Variants in ZYG11A observed in about 807,000 individuals in gnomAD.
ZYG11A encodes zyg-11 family member A, cell cycle regulator.
ZYG11A carries 62 observed loss-of-function variants against 77.2 expected under a neutral mutation model. That is an observed-to-expected ratio of 0.80 (90% CI 0.65 to 0.99). The LOEUF (loss-of-function observed/expected upper bound fraction) is 0.99. Ranked by LOEUF, ZYG11A falls within the 50% of genes least tolerant of loss-of-function variation. The pLI is 0.00. For synonymous variants in ZYG11A, 315 were observed against 324.6 expected, an observed-to-expected ratio of 0.97 and a Z score of 0.32; for missense variants, 828 against 896.8, an observed-to-expected ratio of 0.92 and a Z score of 0.98.
At chr1:52,851,458 C>T (rs189774773) in intron 1 of ZYG11A, among the ~76,000 whole-genome samples, 3 of 152,162 alleles carry the variant, frequency 2.0e-5, no homozygotes, top group East Asian at 1.9e-4. Flanking sequence ...AATGTAGTGG[C>T]GCGATCTGGG....
intron 8 of ZYG11A, 66 bp from the exon 9 acceptor site, chr1:52,877,616 T>C: frequency 1.4e-6 from 2 of 1,395,858 alleles, no homozygotes; most frequent in Non-Finnish European, 1.9e-6. Context: ...TAACATTGCT[T>C]TCCTTATACC....
chr1:52,887,960 A>G (rs1646478715), intron 13 of ZYG11A, among the ~76,000 whole-genome samples: 1 of 152,122 alleles, frequency 6.6e-6, no homozygotes, highest in Admixed American at 6.6e-5. Context: ...ACAACAGGAA[A>G]CCCAAGAGAC....
At chr1:52,847,375 T>C (rs962096969) in intron 1 of ZYG11A, among the ~76,000 whole-genome samples, 7 of 152,044 alleles carry the variant, frequency 4.6e-5, no homozygotes, top group Non-Finnish European at 1.5e-5. Flanking sequence ...TAATTTTGTA[T>C]TTTTAGTACA....
intron 2 of ZYG11A, among the ~76,000 whole-genome samples, chr1:52,856,195 T>G (rs1036919573): frequency 6.6e-6 from 1 of 152,220 alleles, no homozygotes; most frequent in African/African-American, 2.4e-5. Flanking sequence ...TTGCATTTCT[T>G]TAATGACTTA....
intron 11 of ZYG11A, among the ~76,000 whole-genome samples, chr1:52,884,450 C>T (rs111932554): frequency 0.019 from 2,888 of 149,500 alleles, 92 homozygotes; most frequent in African/African-American, 0.066. Flanking sequence ...GAGCCGAGAT[C>T]GTGCCACTGC....
chr1:52,877,958 C>T lies in ZYG11A; in HGVS notation c.1738C>T (p.Leu580Phe). The change falls in exon 10 of 14, where the codon CTT (leucine) becomes TTT (phenylalanine). Residue 580 changes from leucine to phenylalanine, a missense_variant. Leu to Phe is a conservative substitution (Grantham distance 22). Transcript: ENST00000371528. ...AGAGTCAGCAATACAAAGCAAAGTA[C>T]TTGGTCTTTTGGTAAGGTGAATTGT... ...FSESAIQSKVLGLLNNIAEVR... is the reference protein window; with the variant it reads ...FSESAIQSKVFGLLNNIAEVR... The T allele has an allele frequency of 6.4e-7, 1 of 1,551,410 alleles. No homozygotes were observed. Among genetic ancestry groups the T allele is most frequent in the South Asian group, 1.2e-5 (1 of 84,052 alleles).
In ZYG11A at chr1:52,857,503, A is replaced by T. The variant is rs796954881; in HGVS notation, c.762A>T (p.Glu254Asp). Residue 254 changes from glutamate to aspartate, a missense_variant, in exon 3 of 14, where the codon GAA becomes GAT. Glu to Asp is a conservative substitution (Grantham distance 45). Coordinates refer to ENST00000371528, the MANE Select transcript of ZYG11A (RefSeq NM_001004339.3). ...TKSQILAVIR[E>D]LKCLLHLDIS... Reference sequence around the variant, plus strand: ...CACAAATTCTTGCAGTCATTAGAGAACTTAAATGTCTGCTTCACCTTGATA... The same window carrying T: ...CACAAATTCTTGCAGTCATTAGAGATCTTAAATGTCTGCTTCACCTTGATA... 2.2e-5 allele frequency: 34 copies of T among 1,552,214 alleles called. No individual in the cohort carries two copies. The African/African-American group carries it at 4.1e-4, about 19-fold the overall frequency.
chr1:52,856,520 C>T (rs1557433050), intron 2 of ZYG11A, among the ~76,000 whole-genome samples: 1 of 150,696 alleles, frequency 6.6e-6, no homozygotes, highest in Non-Finnish European at 1.5e-5. Context: ...ATTCGTTTTA[C>T]AGATGAGGAA....
chr1:52,885,609 T>G (rs1034004074), intron 11 of ZYG11A, among the ~76,000 whole-genome samples: 3 of 152,170 alleles, frequency 2.0e-5, no homozygotes, highest in African/African-American at 7.2e-5. Context: ...TATGGAGGAG[T>G]AGAGGTAAAT....
Position 52,886,941 on chromosome 1 carries a change from T to A in ZYG11A, c.2007-15T>A. On this transcript the variant is annotated splice_polypyrimidine_tract_variant and intron_variant, in intron 12 of 13. Transcript: ENST00000371528. ...CTGTTCTGGATTAACATCTTTGTAC[T>A]TTTTTTTGTTTTAGATCTTTCAAGA... 7.2e-7 allele frequency: 1 copy of A among 1,385,442 alleles called. No individual in the cohort carries two copies. Among genetic ancestry groups the A allele is most frequent in the East Asian group, 2.6e-5 (1 of 38,636 alleles). 85.8% of individuals were successfully genotyped at this position (1,385,442 alleles called of 1,614,324 possible). A position where few individuals can be genotyped will look rare whatever the true frequency, so the allele number is the denominator to read the frequency against.
chr1:52,885,904 T>C lies in ZYG11A; in HGVS notation c.2006+10T>C, dbSNP rs1317504568. ...CATTGGTGACCTATAGGTAATTTCATGGTGTTGTGCTTTTCTTCTTTTTTT... is the reference window on the plus strand; with the variant it reads ...CATTGGTGACCTATAGGTAATTTCACGGTGTTGTGCTTTTCTTCTTTTTTT... On this transcript the variant is annotated intron_variant, in intron 12 of 13. Transcript: ENST00000371528. 6.5e-7 allele frequency: 1 copy of C among 1,529,424 alleles called. No individual in the cohort carries two copies. The highest frequency in any genetic ancestry group is 1.4e-5 in the African/African-American group (1 of 71,544). 94.7% of individuals were successfully genotyped at this position (1,529,424 alleles called of 1,614,324 possible). A position where few individuals can be genotyped will look rare whatever the true frequency, so the allele number is the denominator to read the frequency against.
Position 52,842,891 on chromosome 1 carries a change from A to G in ZYG11A, c.8A>G (p.His3Arg). The G allele has an allele frequency of 6.5e-7, 1 of 1,531,660 alleles. No homozygotes were observed. Among genetic ancestry groups the G allele is most frequent in the Non-Finnish European group, 8.8e-7 (1 of 1,138,744 alleles). The allele number at this position is 1,531,660 out of a possible 1,614,324, so 94.9% of individuals were successfully genotyped here. The stretch of plus-strand genomic sequence containing the variant: ...CCCGCCGCCGGGGTTGCCATGGTTC[A>G]TTTCTTGCACCCGGGCCACACGCCC... MV[H>R]FLHPGHTPRN... Residue 3 changes from histidine to arginine, a missense_variant, in exon 1 of 14, where the codon CAT becomes CGT. By Grantham distance (29) the His-to-Arg change is conservative. Transcript: ENST00000371528.
At chr1:52,854,095 G>A (rs1199707857) in intron 1 of ZYG11A, among the ~76,000 whole-genome samples, 2 of 151,852 alleles carry the variant, frequency 1.3e-5, no homozygotes, top group South Asian at 4.2e-4. Context: ...GATTTATACT[G>A]TATTAGTGTT....
At chr1:52,881,703 A>G in intron 11 of ZYG11A, 38 bp downstream of exon 11, 1 of 1,425,222 alleles carries the variant, frequency 7.0e-7, no homozygotes, top group Non-Finnish European at 9.5e-7. Flanking sequence ...AATCCAGAGT[A>G]ATCTCTAATT....
At position 52,877,832 on chromosome 1, in the gene ZYG11A, C is replaced by G; in HGVS notation, c.1693C>G (p.Gln565Glu). The change falls in exon 9 of 14, where the codon CAA becomes GAA. Residue 565 changes from glutamine (Q) to glutamate (E), a missense_variant. Transcript: ENST00000371528. The part of the protein sequence containing the change: ...IENQGLQIFI[Q>E]VLETFSESAI... ...AAATCAAGGATTGCAAATCTTCATC[C>G]AAGTCTTGGAGGTGGGAAGACAGGA... 6.4e-7 allele frequency: 1 copy of G among 1,551,434 alleles called. No homozygotes were observed. The highest frequency in any genetic ancestry group is 2.0e-5 in the Admixed American group (1 of 50,922).
chr1:52,864,495 C>T (rs547870097), intron 5 of ZYG11A, among the ~76,000 whole-genome samples: 5 of 152,000 alleles, frequency 3.3e-5, no homozygotes, highest in East Asian at 1.9e-4. Flanking sequence ...CCATGGCATA[C>T]GGCAGACAAT....
chr1:52,883,140 A>C (rs1254670974), intron 11 of ZYG11A, among the ~76,000 whole-genome samples: 1 of 152,032 alleles, frequency 6.6e-6, no homozygotes, highest in South Asian at 2.1e-4. Flanking sequence ...TTTTTGAGAT[A>C]GGCTCTCACT....
chr1:52,857,725 C>G lies in ZYG11A; in HGVS notation c.984C>G (p.Phe328Leu), dbSNP rs1382775432. Reference sequence around the variant, plus strand: ...CCACGGATGCTGGCTCTTCTGACTTCTTTACTACAAAGCAAGGCTTGAGGG... The same window carrying G: ...CCACGGATGCTGGCTCTTCTGACTTGTTTACTACAAAGCAAGGCTTGAGGG... The part of the protein sequence containing the change: ...LLATDAGSSD[F>L]FTTKQGLRVA... The change falls in exon 3 of 14, where the codon TTC (phenylalanine) becomes TTG (leucine). Residue 328 changes from phenylalanine to leucine, a missense_variant. By Grantham distance (22) the Phe-to-Leu change is conservative. Transcript: ENST00000371528. 6.5e-7 allele frequency: 1 copy of G among 1,549,880 alleles called. No homozygotes were observed. Among genetic ancestry groups the G allele is most frequent in the Non-Finnish European group, 8.7e-7 (1 of 1,146,174 alleles).
intron 3 of ZYG11A, among the ~76,000 whole-genome samples, chr1:52,859,425 TC>T (rs1645881419): frequency 6.6e-6 from 1 of 152,032 alleles, no homozygotes; most frequent in Non-Finnish European, 1.5e-5. Context: ...AATCTCCGCC[TC>T]CCGGGTTCAC....
Sources: gnomAD v4.1 joint callset for allele counts (sites outside exome capture counted in the v4.1 genomes callset) on GRCh38, gnomAD v4.1.1 for gene constraint, MANE v1.5 for transcripts, NCBI Gene and HGNC (gene_info 2026-07-23, HGNC 2026-07-21) for gene names.